Variants in UBE2Q2 observed in about 807,000 individuals in gnomAD.
UBE2Q2 encodes the protein ubiquitin conjugating enzyme E2 Q2, also known as ubiquitin-conjugating enzyme E2 Q2.
In UBE2Q2, 54 loss-of-function variants were observed where a neutral mutation model predicts 59.9. The observed-to-expected ratio is 0.90, with a 90% CI of 0.72 to 1.13. UBE2Q2 has a LOEUF of 1.13. UBE2Q2 is among the 50% of genes most tolerant of loss of function. The pLI, the probability that UBE2Q2 is intolerant of heterozygous loss-of-function variation, is 0.00. For synonymous variants in UBE2Q2, 165 were observed against 155.2 expected, an observed-to-expected ratio of 1.06 and a Z score of -0.47; for missense variants, 433 against 441.9, an observed-to-expected ratio of 0.98 and a Z score of 0.18.
Position 75,865,800 on chromosome 15 carries a change from G to A in UBE2Q2, c.388-3151G>A, listed in dbSNP as rs539568867. Among the ~76,000 whole-genome samples, 106 of 138,916 alleles carry A rather than the reference G, an allele frequency of 7.6e-4. 1 individual carries two copies. Among genetic ancestry groups the A allele is most frequent in the Non-Finnish European group, 1.5e-3 (90 of 60,986 alleles). The allele number at this position is 138,916 out of a possible 152,430, so 91.1% of individuals were successfully genotyped here. A position where few individuals can be genotyped will look rare whatever the true frequency, so the allele number is the denominator to read the frequency against. On this transcript the variant is annotated intron_variant, in intron 3 of 12. Transcript: ENST00000267938. ...TCAAGTATATCCCTGAATAATATCT[G>A]GTTGTTTTTTTTTTTTTTAACCTAG...
chr15:75,873,632 G>C, intron 5 of UBE2Q2, 64 bp downstream of exon 5: 1 of 1,533,556 alleles, frequency 6.5e-7, no homozygotes, highest in African/African-American at 1.4e-5. Flanking sequence ...TTAATACCAG[G>C]CAATTCATTA....
chr15:75,857,757 C>CT (rs1896991956), intron 2 of UBE2Q2, among the ~76,000 whole-genome samples: 1 of 121,716 alleles, frequency 8.2e-6, no homozygotes, highest in African/African-American at 3.1e-5. Flanking sequence ...CTGTTGTAGG[C>CT]AAAAAAAAAA....
At chr15:75,886,088 A>T (rs1349803116) in intron 9 of UBE2Q2, among the ~76,000 whole-genome samples, 4 of 151,394 alleles carry the variant, frequency 2.6e-5, no homozygotes, top group African/African-American at 7.3e-5. Context: ...CGAAGCCTTT[A>T]CTGATTGGGG....
At chr15:75,848,472 A>G (rs1595850584) in intron 1 of UBE2Q2, among the ~76,000 whole-genome samples, 2 of 152,200 alleles carry the variant, frequency 1.3e-5, no homozygotes, top group East Asian at 1.9e-4. Flanking sequence ...TTAAGCACCT[A>G]AGTGGTACTT....
At chr15:75,868,479 TA>T (rs1481929132) in intron 3 of UBE2Q2, among the ~76,000 whole-genome samples, 5 of 152,224 alleles carry the variant, frequency 3.3e-5, no homozygotes, top group African/African-American at 1.2e-4. Flanking sequence ...AAATGTCTAT[TA>T]TCAATAACAC....
chr15:75,894,639 A>C (rs1258155105), intron 11 of UBE2Q2, among the ~76,000 whole-genome samples: 2 of 152,116 alleles, frequency 1.3e-5, no homozygotes, highest in Middle Eastern at 3.4e-3. Flanking sequence ...ATACAAGCAG[A>C]AATCAGTGAG....
chr15:75,876,312 G>C (rs372939427), intron 6 of UBE2Q2, 41 bp downstream of exon 6: 1 of 1,515,150 alleles, frequency 6.6e-7, no homozygotes, highest in Non-Finnish European at 9.1e-7. Context: ...TGATTCTTCT[G>C]CTCTTTTCTA....
chr15:75,871,792 A>G (rs1051069544), intron 4 of UBE2Q2, among the ~76,000 whole-genome samples: 6 of 152,254 alleles, frequency 3.9e-5, no homozygotes, highest in Non-Finnish European at 8.8e-5. Context: ...CAGACACAGT[A>G]ACAGGCTGAT....
At chr15:75,863,359 G>GT (rs1175849681) in intron 3 of UBE2Q2, among the ~76,000 whole-genome samples, 1 of 152,022 alleles carries the variant, frequency 6.6e-6, no homozygotes, top group Non-Finnish European at 1.5e-5. Context: ...ATTCTTCACC[G>GT]TAATTCTAGT....
At chr15:75,895,610 C>T (rs1899371572) in intron 11 of UBE2Q2, among the ~76,000 whole-genome samples, 1 of 151,482 alleles carries the variant, frequency 6.6e-6, no homozygotes, top group Admixed American at 6.6e-5. Context: ...AGTCTGTTTA[C>T]AGAAATAGAA....
At chr15:75,858,565 A>G (rs924519647) in intron 2 of UBE2Q2, among the ~76,000 whole-genome samples, 3 of 151,774 alleles carry the variant, frequency 2.0e-5, no homozygotes, top group Admixed American at 6.6e-5. Flanking sequence ...TCTTCCTCCC[A>G]TCCCTCAAAT....
Position 75,859,830 on chromosome 15 carries a change from C to T in UBE2Q2, c.283-48C>T, listed in dbSNP as rs753733933. The T allele has an allele frequency of 2.1e-6, 3 of 1,404,162 alleles. No homozygotes were observed. In the Admixed American group the frequency reaches 6.7e-5, roughly 31 times the overall value. 87.0% of individuals were successfully genotyped at this position (1,404,162 alleles called of 1,614,324 possible). A position where few individuals can be genotyped will look rare whatever the true frequency, so the allele number is the denominator to read the frequency against. On this transcript the variant is annotated intron_variant, in intron 2 of 12. Transcript: ENST00000267938. ...GTAGTCATAACATTATTGATGTCTT[C>T]TAAGGGCTCTTTAACATAATGCTTA...
chr15:75,897,674 A>G (rs1426404911), intron 12 of UBE2Q2, among the ~76,000 whole-genome samples: 1 of 150,358 alleles, frequency 6.7e-6, no homozygotes, highest in Non-Finnish European at 1.5e-5. Context: ...GTTAAAGGCA[A>G]CTCCTTACAG....
At chr15:75,898,110 C>T (rs375922929) in intron 12 of UBE2Q2, among the ~76,000 whole-genome samples, 2 of 152,150 alleles carry the variant, frequency 1.3e-5, no homozygotes, top group Non-Finnish European at 2.9e-5. Flanking sequence ...CATATTCATA[C>T]TATTCTAAAG....
At chr15:75,890,670 T>C (rs1225003988) in intron 10 of UBE2Q2, among the ~76,000 whole-genome samples, 187 bp downstream of exon 10, 1 of 152,214 alleles carries the variant, frequency 6.6e-6, no homozygotes, top group Admixed American at 6.5e-5. Flanking sequence ...GTGCTGAATC[T>C]ATGCTAGGAT....
intron 9 of UBE2Q2, among the ~76,000 whole-genome samples, chr15:75,887,623 T>C (rs1296331019): frequency 6.6e-6 from 1 of 152,032 alleles, no homozygotes; most frequent in African/African-American, 2.4e-5. Flanking sequence ...TATTCATCTT[T>C]CTGTATAACT....
intron 2 of UBE2Q2, among the ~76,000 whole-genome samples, chr15:75,858,069 G>T (rs1376704877): frequency 6.6e-6 from 1 of 152,104 alleles, no homozygotes; most frequent in East Asian, 1.9e-4. Flanking sequence ...TTACTGTCTT[G>T]TTTTGATCTT....
rs1249787984 is a variant in UBE2Q2 at position 75,868,963 on chromosome 15, G to A, written c.400G>A (p.Glu134Lys). The change falls in exon 4 of 13, where the codon GAA becomes AAA. Residue 134 changes from glutamate (E) to lysine (K), a missense_variant. Physicochemically the swap from Glu to Lys is moderately conservative, Grantham distance 56 (BLOSUM62 1). Coordinates refer to ENST00000267938, the MANE Select transcript of UBE2Q2 (RefSeq NM_173469.4). ...TTCTCTGTTTCAGAATGGGACAACA[G>A]AAGAAGTGACTTCAGAAGAAGAGGA... Reference protein sequence around the residue: ...PLPTGQNGTTEEVTSEEEEEE... With the variant: ...PLPTGQNGTTKEVTSEEEEEE... The A allele has an allele frequency of 6.2e-7, 1 of 1,612,784 alleles. No individual in the cohort carries two copies. Among genetic ancestry groups the A allele is most frequent in the Non-Finnish European group, 8.5e-7 (1 of 1,179,228 alleles).
At chr15:75,845,321 GT>G (rs1281090943) in intron 1 of UBE2Q2, among the ~76,000 whole-genome samples, 1 of 152,184 alleles carries the variant, frequency 6.6e-6, no homozygotes, top group Non-Finnish European at 1.5e-5. Flanking sequence ...AGAAAGTGTG[GT>G]TTCCTTAGAA....
Sources: allele counts gnomAD v4.1 joint callset (sites outside exome capture counted in the v4.1 genomes callset), GRCh38; gene constraint gnomAD v4.1.1; transcripts MANE v1.5; gene names NCBI Gene and HGNC (gene_info 2026-07-23, HGNC 2026-07-21).